NARF: variants seen among roughly 807,000 people sequenced by gnomAD.
NARF encodes iron-only hydrogenase-like protein 2.
In NARF, 41 loss-of-function variants were observed where a neutral mutation model predicts 48.0. That is an observed-to-expected ratio of 0.85 (90% CI 0.66 to 1.11). The LOEUF is 1.11. NARF is among the 50% of genes least tolerant of loss of function. The pLI is 0.00. For missense variants in NARF, 613 were observed against 590.2 expected, an observed-to-expected ratio of 1.04 and a Z score of -0.40; for synonymous variants, 215 against 225.5, an observed-to-expected ratio of 0.95 and a Z score of 0.42.
chr17:82,463,994 A>C (rs4789693), intron 2 of NARF: 86,100 of 311,730 alleles, frequency 0.28, 14,272 homozygotes, highest in East Asian at 0.65. Context: ...TCCAGAACAC[A>C]GGGGTCATTT....
intron 4 of NARF, 47 bp downstream of exon 4, chr17:82,468,943 A>G (rs760562363): frequency 1.9e-5 from 31 of 1,602,160 alleles, no homozygotes; most frequent in Non-Finnish European, 2.6e-5. Flanking sequence ...TGAGTTTATA[A>G]GCGCCCTTTT....
At chr17:82,481,794 A>G in intron 7 of NARF, 1 of 429,642 alleles carries the variant, frequency 2.3e-6, no homozygotes, top group Non-Finnish European at 4.6e-6. Flanking sequence ...GGTGGCCCTA[A>G]CTTTACATTA....
At chr17:82,483,896 G>T in intron 8 of NARF, 117 bp downstream of exon 8, 1 of 897,132 alleles carries the variant, frequency 1.1e-6, no homozygotes, top group Non-Finnish European at 1.8e-6. Flanking sequence ...GAAGCACTGC[G>T]ATGCAGTCCC....
rs767979444 is a variant in NARF, at chr17:82,488,090, G to C, written c.1304G>C (p.Arg435Pro). 1 of 1,614,016 alleles carries C rather than the reference G, an allele frequency of 6.2e-7. No individual in the cohort carries two copies. The highest frequency in any genetic ancestry group is 8.5e-7 in the Non-Finnish European group (1 of 1,180,026). ...GAGGGGATCAACTCCCCCAAGGCCC[G>C]AGAGGTGCTGCATACCACGTACCAG... ...WLEGINSPKA[R>P]EVLHTTYQSQ... The change falls in exon 11 of 11, where the codon CGA becomes CCA. Residue 435 changes from arginine (R) to proline (P), a missense_variant. Physicochemically the swap from Arg to Pro is moderately radical, Grantham distance 103. Transcript: ENST00000309794.
intron 3 of NARF, among the ~76,000 whole-genome samples, chr17:82,466,995 CTTT>C (rs762291462): frequency 2.2e-5 from 3 of 134,648 alleles, no homozygotes; most frequent in Non-Finnish European, 3.2e-5. Flanking sequence ...ACCTGGCCTT[CTTT>C]TTTTTTTTTT....
intron 3 of NARF, 143 bp downstream of exon 3, chr17:82,464,573 T>TGTTTTTTAATGATACGGC: frequency 2.8e-6 from 3 of 1,086,618 alleles, no homozygotes; most frequent in Admixed American, 3.0e-5. Flanking sequence ...CATCCTGCTT[T>TGTTTTTTAATGATACGGC]GACCTTCCAA....
chr17:82,464,395 G>A lies in NARF; in HGVS notation c.217G>A (p.Ala73Thr), dbSNP rs2043511404. The change falls in exon 3 of 11, where the codon GCC becomes ACC. Residue 73 changes from alanine (A) to threonine (T), a missense_variant. Coordinates refer to ENST00000309794, the MANE Select transcript of NARF (RefSeq NM_012336.4). ...EEGVQLSQQN[A>T]KDFFRVLNLN... ...AGGAGTCCAACTTTCCCAGCAAAATGCCAAGGACTTCTTCCGCGTTCTGAA... is the reference window on the plus strand; with the variant it reads ...AGGAGTCCAACTTTCCCAGCAAAATACCAAGGACTTCTTCCGCGTTCTGAA... 1 of 1,613,842 alleles carries A rather than the reference G, an allele frequency of 6.2e-7. No homozygotes were observed. The highest frequency in any genetic ancestry group is 2.2e-5 in the East Asian group (1 of 44,902).
intron 4 of NARF, 144 bp downstream of exon 4, chr17:82,469,040 G>A (rs970037183): frequency 3.1e-5 from 28 of 903,390 alleles, no homozygotes; most frequent in South Asian, 7.0e-5. Flanking sequence ...ACCATGTCCC[G>A]TGTGTCATGA....
chr17:82,483,876 G>A (rs774255412), intron 8 of NARF, 97 bp downstream of exon 8: 11 of 1,150,116 alleles, frequency 9.6e-6, no homozygotes, highest in Non-Finnish European at 1.3e-5. Context: ...GCTTTATGAC[G>A]AGGCCATGTG....
intron 3 of NARF, among the ~76,000 whole-genome samples, chr17:82,466,484 TCA>T (rs2043571191): frequency 6.6e-6 from 1 of 152,130 alleles, no homozygotes; most frequent in African/African-American, 2.4e-5. Flanking sequence ...ATGGAGTCTC[TCA>T]CTGTCTCTCA....
At chr17:82,464,025 G>A (rs2043501086) in intron 2 of NARF, 1 of 417,286 alleles carries the variant, frequency 2.4e-6, no homozygotes, top group Non-Finnish European at 4.3e-6. Flanking sequence ...ACGTGACAGT[G>A]CTAGGGCTGG....
chr17:82,480,960 T>G (rs907726028), intron 6 of NARF, 122 bp from the exon 7 acceptor site: 2 of 1,086,652 alleles, frequency 1.8e-6, no homozygotes, highest in Non-Finnish European at 2.6e-6. Context: ...GAGTGCAGCA[T>G]GCAGTGTCTG....
chr17:82,475,458 G>C (rs931339989), intron 5 of NARF, among the ~76,000 whole-genome samples: 1 of 152,162 alleles, frequency 6.6e-6, no homozygotes, highest in Non-Finnish European at 1.5e-5. Context: ...AAATTAGCCA[G>C]GTGTGGCGGG....
intron 7 of NARF, among the ~76,000 whole-genome samples, chr17:82,481,615 A>G (rs1461561086): frequency 6.6e-6 from 1 of 152,042 alleles, no homozygotes; most frequent in Non-Finnish European, 1.5e-5. Context: ...CTGTAATCCC[A>G]GCTGCTCGGG....
intron 1 of NARF, 86 bp from the exon 2 acceptor site, chr17:82,459,906 C>G: frequency 5.2e-6 from 5 of 962,992 alleles, no homozygotes; most frequent in Non-Finnish European, 8.0e-6. Context: ...GATAGAAATA[C>G]ATGAGCTTCA....
chr17:82,460,104 A>T (rs1246956575), intron 2 of NARF, 32 bp downstream of exon 2: 2 of 1,568,162 alleles, frequency 1.3e-6, no homozygotes, highest in Admixed American at 3.4e-5. Flanking sequence ...GTATCAGCCC[A>T]GAGTAAACTA....
intron 9 of NARF, among the ~76,000 whole-genome samples, 198 bp downstream of exon 9, chr17:82,485,148 G>A (rs1203099149): frequency 6.6e-6 from 1 of 152,224 alleles, no homozygotes; most frequent in South Asian, 2.1e-4. Context: ...TTGGCCGGGT[G>A]CGGTGGCTCG....
chr17:82,488,207 C>T lies in NARF; in HGVS notation c.*50C>T. 4 of 1,594,618 alleles carry T rather than the reference C, an allele frequency of 2.5e-6. No individual in the cohort carries two copies. Among genetic ancestry groups the T allele is most frequent in the Non-Finnish European group, 3.4e-6 (4 of 1,168,544 alleles). On this transcript the variant is annotated 3_prime_UTR_variant, in exon 11 of 11. Coordinates refer to ENST00000309794, the MANE Select transcript of NARF (RefSeq NM_012336.4). Reference sequence around the variant, plus strand: ...CTCTTGGGGCCAGAGCCAAGAGCCTCTCAGTAGAGGGAGGGGCTGCCCTGA... The same window carrying T: ...CTCTTGGGGCCAGAGCCAAGAGCCTTTCAGTAGAGGGAGGGGCTGCCCTGA...
At chr17:82,484,005 G>T (rs2044035633) in intron 8 of NARF, 1 of 537,468 alleles carries the variant, frequency 1.9e-6, no homozygotes, top group Admixed American at 3.4e-5. Context: ...GGCTTCCATG[G>T]TGTGATTGCC....
Sources: allele counts gnomAD v4.1 joint callset (sites outside exome capture counted in the v4.1 genomes callset), GRCh38; gene constraint gnomAD v4.1.1; transcripts MANE v1.5; gene names NCBI Gene and HGNC (gene_info 2026-07-23, HGNC 2026-07-21).